The following SS18 variants were observed in gnomAD, a reference collection of about 807,000 sequenced individuals.
SS18 encodes the protein SS18 subunit of BAF chromatin remodeling complex, also known as protein SSXT.
Under a neutral mutation model 72.5 loss-of-function variants are expected in SS18, and 28 were observed. That is an observed-to-expected ratio of 0.39 (90% CI 0.29 to 0.53). The LOEUF is 0.53. Ranked by LOEUF, SS18 falls within the 20% of genes least tolerant of loss-of-function variation. The probability of loss-of-function intolerance (pLI) is 0.76; values close to 1 mark genes in which losing one functional copy is unlikely to be tolerated. For missense variants in SS18, 518 were observed against 535.3 expected, an observed-to-expected ratio of 0.97 and a Z score of 0.32; for synonymous variants, 172 against 164.2, an observed-to-expected ratio of 1.05 and a Z score of -0.37.
chr18:26,063,090 T>C (rs112905743), intron 3 of SS18, among the ~76,000 whole-genome samples: 3 of 152,230 alleles, frequency 2.0e-5, no homozygotes, highest in Non-Finnish European at 4.4e-5. Context: ...TCAAGGAATG[T>C]TGACTGAACT....
chr18:26,019,645 T>C (rs1394256671), intron 10 of SS18, among the ~76,000 whole-genome samples: 1 of 151,864 alleles, frequency 6.6e-6, no homozygotes, highest in African/African-American at 2.4e-5. Flanking sequence ...ACCCCGTCTT[T>C]ACTAAAAATA....
intron 3 of SS18, among the ~76,000 whole-genome samples, chr18:26,062,744 G>A (rs915156018): frequency 1.1e-4 from 17 of 152,162 alleles, no homozygotes; most frequent in South Asian, 4.1e-4. Flanking sequence ...ATGTTGCTAC[G>A]TTAATACTGA....
At chr18:26,058,407 G>C (rs962645253) in intron 3 of SS18, among the ~76,000 whole-genome samples, 1 of 152,180 alleles carries the variant, frequency 6.6e-6, no homozygotes, top group Non-Finnish European at 1.5e-5. Context: ...GATATGAGGT[G>C]GTCTGCCACA....
intron 2 of SS18, chr18:26,083,955 G>C (rs889736256): frequency 2.0e-5 from 3 of 151,996 alleles, no homozygotes; most frequent in Non-Finnish European, 4.4e-5. Context: ...ACATACAAGA[G>C]ATTGAACAGT....
At position 26,042,565 on chromosome 18, in the gene SS18, A is replaced by G. The variant is rs189103831; in HGVS notation, c.608-3109T>C. On this transcript the variant is annotated intron_variant, in intron 5 of 10. Coordinates refer to ENST00000415083, the MANE Select transcript of SS18 (RefSeq NM_001007559.3). Reference sequence around the variant, plus strand: ...ACATGTAAAAACCTCCCAAATTACCATATTTTATATTATTGGCATTCTTTT... The same window carrying G: ...ACATGTAAAAACCTCCCAAATTACCGTATTTTATATTATTGGCATTCTTTT... 2.1e-4 allele frequency among the ~76,000 whole-genome samples: 32 copies of G among 151,764 alleles called. No individual in the cohort carries two copies. The East Asian group carries it at 5.0e-3, about 24-fold the overall frequency.
chr18:26,071,588 T>C (rs916444513), intron 3 of SS18, among the ~76,000 whole-genome samples: 1 of 152,238 alleles, frequency 6.6e-6, no homozygotes, highest in East Asian at 1.9e-4. Flanking sequence ...CCCAGAACTT[T>C]GGGAGGCCAA....
At chr18:26,069,265 T>C (rs1453565853) in intron 3 of SS18, among the ~76,000 whole-genome samples, 1 of 152,024 alleles carries the variant, frequency 6.6e-6, no homozygotes, top group Non-Finnish European at 1.5e-5. Flanking sequence ...TAATAAAATA[T>C]ATAATAAGTA....
chr18:26,087,604 C>G (rs760294427), intron 1 of SS18, 27 bp from the exon 2 acceptor site: 5 of 1,328,428 alleles, frequency 3.8e-6, no homozygotes, highest in Admixed American at 2.0e-5. Context: ...AAAGGTTTAG[C>G]ATAAAACTAG....
At chr18:26,059,666 A>T (rs150463731) in intron 3 of SS18, among the ~76,000 whole-genome samples, 193 of 152,336 alleles carry the variant, frequency 1.3e-3, no homozygotes, top group African/African-American at 4.4e-3. Context: ...ATCAGCCCTA[A>T]AAAGTCTTAT....
chr18:26,076,388 C>T (rs28430717), intron 3 of SS18, among the ~76,000 whole-genome samples: 3 of 151,514 alleles, frequency 2.0e-5, no homozygotes. Context: ...ACACCTGATA[C>T]AACATAGATT....
intron 5 of SS18, among the ~76,000 whole-genome samples, chr18:26,049,200 A>C (rs2053879917): frequency 6.6e-6 from 1 of 152,268 alleles, no homozygotes; most frequent in South Asian, 2.1e-4. Flanking sequence ...TGAAAAATAC[A>C]CAGGTATCTG....
chr18:26,060,268 T>C (rs1311275467), intron 3 of SS18, among the ~76,000 whole-genome samples: 1 of 152,200 alleles, frequency 6.6e-6, no homozygotes, highest in African/African-American at 2.4e-5. Context: ...GAAAACATTA[T>C]GCCAAGTGAA....
At chr18:26,069,586 G>A (rs552833948) in intron 3 of SS18, among the ~76,000 whole-genome samples, 22 of 151,130 alleles carry the variant, frequency 1.5e-4, no homozygotes, top group African/African-American at 4.8e-4. Flanking sequence ...GTTACTGGAA[G>A]TTTTTTAAAG....
chr18:26,087,654 G>C, intron 1 of SS18, 77 bp from the exon 2 acceptor site: 1 of 828,326 alleles, frequency 1.2e-6, no homozygotes, highest in Non-Finnish European at 2.0e-6. Context: ...TTCAGAAAGG[G>C]AGGGCATTAG....
In SS18 at chr18:26,090,530, C is replaced by G; in HGVS notation, c.40G>C (p.Gly14Arg). The change falls in exon 1 of 11, where the codon GGG (glycine) becomes CGG (arginine). Residue 14 changes from glycine (G) to arginine (R), a missense_variant. Coordinates refer to ENST00000415083, the MANE Select transcript of SS18 (RefSeq NM_001007559.3). ...TGAATCGCAGCGGGAGTGATCTCCC[C>G]CTTGCCTCGCTGCCTCGGGGCCGCG... ...AFAAPRQRGK[G>R]EITPAAIQKM... 6.3e-7 allele frequency: 1 copy of G among 1,588,184 alleles called. No individual in the cohort carries two copies. Among genetic ancestry groups the G allele is most frequent in the Non-Finnish European group, 8.6e-7 (1 of 1,167,990 alleles).
chr18:26,039,193 A>T, intron 6 of SS18, 96 bp downstream of exon 6: 3 of 949,514 alleles, frequency 3.2e-6, no homozygotes, highest in Non-Finnish European at 4.3e-6. Flanking sequence ...AAAAAAAAAA[A>T]AAGAAAACGC....
rs145374382 is a variant in SS18, at chr18:26,077,863, G to A, written c.231+213C>T. ...TAGGTAGGTAGGTAAACAGGTAAAC[G>A]AATATAACCTTCTCAGGGACAGAAT... is the stretch of plus-strand genomic sequence containing the variant. On this transcript the variant is annotated intron_variant, in intron 3 of 10. Transcript: ENST00000415083. Among the ~76,000 whole-genome samples the A allele has an allele frequency of 2.0e-3, 308 of 152,186 alleles. 1 individual carries two copies. Among genetic ancestry groups the A allele is most frequent in the African/African-American group, 6.9e-3 (285 of 41,524 alleles).
chr18:26,080,274 C>A, intron 2 of SS18: 1 of 937,020 alleles, frequency 1.1e-6, no homozygotes, highest in East Asian at 1.2e-4. Context: ...TTTAAAAAAC[C>A]AACCAGCCAT....
rs1191684816 is a variant in SS18, at chr18:26,090,602, A to T, written c.-33T>A. 2 of 1,556,188 alleles carry T rather than the reference A, an allele frequency of 1.3e-6. No homozygotes were observed. The highest frequency in any genetic ancestry group is 2.4e-5 in the South Asian group (2 of 84,390). ...CCGTCACCACTATCGGCAAGTCCCG[A>T]GCGCTCCGGGTGAACGGCAAACTGG... On this transcript the variant is annotated 5_prime_UTR_variant, in exon 1 of 11. Coordinates refer to ENST00000415083, the MANE Select transcript of SS18 (RefSeq NM_001007559.3).
Sources: gnomAD v4.1 joint callset for allele counts (sites outside exome capture counted in the v4.1 genomes callset) on GRCh38, gnomAD v4.1.1 for gene constraint, MANE v1.5 for transcripts, NCBI Gene and HGNC (gene_info 2026-07-23, HGNC 2026-07-21) for gene names.